Variants in GDA observed in about 807,000 individuals in gnomAD.
GDA encodes the protein cytoplasmic PSD-95 interactor.
GDA carries 18 observed loss-of-function variants against 59.6 expected under a neutral mutation model. That is an observed-to-expected ratio of 0.30 (90% CI 0.21 to 0.45). GDA has a LOEUF of 0.45. GDA is among the 20% of genes least tolerant of loss of function. The pLI, the probability that GDA is intolerant of heterozygous loss-of-function variation, is 1.00. For synonymous variants in GDA, 201 were observed against 201.1 expected, an observed-to-expected ratio of 1.00 and a Z score of 0.00; for missense variants, 427 against 552.3, an observed-to-expected ratio of 0.77 and a Z score of 2.27.
intron 7 of GDA, 92 bp from the exon 8 acceptor site, chr9:72,225,585 T>C (rs1267666984): frequency 1.5e-6 from 1 of 670,598 alleles, no homozygotes; most frequent in Non-Finnish European, 2.7e-6. Flanking sequence ...AATAGGCAAG[T>C]AGAAAACCAT....
intron 2 of GDA, among the ~76,000 whole-genome samples, chr9:72,196,755 C>A (rs550633655): frequency 6.6e-6 from 1 of 150,670 alleles, no homozygotes; most frequent in Non-Finnish European, 1.5e-5. Context: ...CCCCCACCCC[C>A]CAACAGACCC....
chr9:72,241,399 A>G (rs1489610329), intron 11 of GDA, 101 bp downstream of exon 11: 3 of 829,404 alleles, frequency 3.6e-6, no homozygotes, highest in Admixed American at 2.4e-5. Context: ...GGAAAATCCA[A>G]TATTTGTGAT....
intron 1 of GDA, among the ~76,000 whole-genome samples, chr9:72,137,643 T>A (rs1392921178): frequency 1.3e-5 from 2 of 152,154 alleles, no homozygotes; most frequent in East Asian, 3.8e-4. Flanking sequence ...CTGAGGATCT[T>A]ACCCCACACT....
At chr9:72,123,025 C>T (rs187395395) in intron 1 of GDA, among the ~76,000 whole-genome samples, 2 of 152,238 alleles carry the variant, frequency 1.3e-5, no homozygotes, top group Admixed American at 1.3e-4. Context: ...TAAGAAGGCA[C>T]CTTCTCGATC....
In GDA at chr9:72,200,059, A is replaced by G. The variant is rs531360097; in HGVS notation, c.213-2512A>G. Among the ~76,000 whole-genome samples, 50 of 138,856 alleles carry G rather than the reference A, an allele frequency of 3.6e-4. 1 individual carries two copies. Among genetic ancestry groups the G allele is most frequent in the Admixed American group, 6.3e-4 (8 of 12,674 alleles). The allele number at this position is 138,856 out of a possible 152,430, so 91.1% of individuals were successfully genotyped here. A position where few individuals can be genotyped will look rare whatever the true frequency, so the allele number is the denominator to read the frequency against. On this transcript the variant is annotated intron_variant, in intron 2 of 13. Coordinates refer to ENST00000358399, the MANE Select transcript of GDA (RefSeq NM_004293.5). ...GTCACCCAGGCTGGAGTGCAGTGGC[A>G]TGATCTCTGCTCACCTCAAGCTCCG...
downstream of GDA, among the ~76,000 whole-genome samples, chr9:72,259,398 T>G (rs1840917306): frequency 6.6e-6 from 1 of 152,218 alleles, no homozygotes; most frequent in Non-Finnish European, 1.5e-5. Context: ...AACCCACTGA[T>G]GGCCTGTCCT....
At position 72,136,682 on chromosome 9, in the gene GDA, A is replaced by T. The variant is rs1038128553; in HGVS notation, c.-100+21849A>T. ...CAAATGCAACTTTTGGCTCATTAAA[A>T]TATACATATGAGGCTGGGCACGGTG... is the stretch of plus-strand genomic sequence containing the variant. On this transcript the variant is annotated intron_variant, in intron 1 of 13. Coordinates refer to the GDA transcript ENST00000545168. Among the ~76,000 whole-genome samples the T allele has an allele frequency of 1.3e-5, 2 of 152,224 alleles. 1 individual carries two copies. Among genetic ancestry groups the T allele is most frequent in the Non-Finnish European group, 2.9e-5 (2 of 68,048 alleles).
In GDA at chr9:72,227,967, C is replaced by T. The variant is rs763605798; in HGVS notation, c.847C>T (p.Leu283Phe). ...NKTVMAHGCY[L>F]SAEELNVFHE... ...GACAGTGATGGCACACGGCTGCTAC[C>T]TCTCTGCAGAAGAACTGAACGTATT... The change falls in exon 9 of 14, where the codon CTC becomes TTC. Residue 283 changes from leucine to phenylalanine, a missense_variant. Transcript: ENST00000358399. 6 of 1,606,990 alleles carry T rather than the reference C, an allele frequency of 3.7e-6. No homozygotes were observed. The East Asian group carries it at 1.1e-4, about 30-fold the overall frequency.
intron 1 of GDA, among the ~76,000 whole-genome samples, chr9:72,126,405 C>T (rs1825848692): frequency 6.6e-6 from 1 of 152,158 alleles, no homozygotes; most frequent in Non-Finnish European, 1.5e-5. Context: ...AACTCACAGA[C>T]TTGCCAGATG....
chr9:72,213,614 T>G (rs954496632), intron 4 of GDA, among the ~76,000 whole-genome samples: 5 of 151,488 alleles, frequency 3.3e-5, no homozygotes, highest in South Asian at 2.1e-4. Flanking sequence ...CCATCTTGGC[T>G]AACACGGTGA....
chr9:72,129,243 G>T (rs747358820), intron 1 of GDA, among the ~76,000 whole-genome samples: 1 of 152,074 alleles, frequency 6.6e-6, no homozygotes, highest in African/African-American at 2.4e-5. Context: ...GATTACAGGC[G>T]TGAGCCACTG....
At chr9:72,218,395 A>G (rs776592025) in intron 5 of GDA, among the ~76,000 whole-genome samples, 7 of 152,204 alleles carry the variant, frequency 4.6e-5, no homozygotes, top group Non-Finnish European at 7.3e-5. Flanking sequence ...GGCTGCTTAC[A>G]TGCTCACAGA....
At chr9:72,166,938 G>A (rs1829389240) in intron 1 of GDA, among the ~76,000 whole-genome samples, 1 of 152,086 alleles carries the variant, frequency 6.6e-6, no homozygotes, top group Non-Finnish European at 1.5e-5. Flanking sequence ...ATTTTTCATA[G>A]GCAGTAAATT....
At chr9:72,214,662 G>A in intron 5 of GDA, 1 of 293,120 alleles carries the variant, frequency 3.4e-6, no homozygotes, top group Admixed American at 5.0e-5. Flanking sequence ...CAGTCATACA[G>A]CTTTTAAGTA....
At position 72,124,925 on chromosome 9, in the gene GDA, T is replaced by C. The variant is rs571626587; in HGVS notation, c.-100+10092T>C. Among the ~76,000 whole-genome samples the C allele has an allele frequency of 2.0e-5, 3 of 152,202 alleles. No homozygotes were observed. The South Asian group carries it at 6.2e-4, about 32-fold the overall frequency. ...GCCTGGCCCTGGTGATCAGTCTTAT[T>C]TGGAAACCACTGGTGAGCAGGGTTT... On this transcript the variant is annotated intron_variant, in intron 1 of 13. Coordinates refer to the GDA transcript ENST00000545168.
chr9:72,201,562 T>G (rs1011626190), intron 2 of GDA, among the ~76,000 whole-genome samples: 5 of 152,228 alleles, frequency 3.3e-5, no homozygotes, highest in African/African-American at 1.2e-4. Flanking sequence ...TTAGGTGGTA[T>G]GTATACATTT....
chr9:72,173,152 A>G (rs188711687), intron 1 of GDA, among the ~76,000 whole-genome samples: 14 of 152,268 alleles, frequency 9.2e-5, no homozygotes, highest in African/African-American at 3.4e-4. Context: ...ACAGGGCTAC[A>G]GTCTCCTGGA....
downstream of GDA, among the ~76,000 whole-genome samples, chr9:72,255,234 G>T (rs1286164118): frequency 6.6e-6 from 1 of 152,204 alleles, no homozygotes; most frequent in African/African-American, 2.4e-5. Flanking sequence ...ACGGGTGGGT[G>T]GATGCAAATT....
intron 12 of GDA, among the ~76,000 whole-genome samples, chr9:72,246,262 C>T (rs1488441259): frequency 6.6e-6 from 1 of 152,186 alleles, no homozygotes; most frequent in Non-Finnish European, 1.5e-5. Flanking sequence ...GCTCTCCTGT[C>T]TCAGCCTCCC....
Sources: gnomAD v4.1 joint callset for allele counts (sites outside exome capture counted in the v4.1 genomes callset) on GRCh38, gnomAD v4.1.1 for gene constraint, MANE v1.5 for transcripts, NCBI Gene and HGNC (gene_info 2026-07-23, HGNC 2026-07-21) for gene names.